The following THSD7A variants were observed in gnomAD, a reference collection of about 807,000 sequenced individuals.
THSD7A encodes thrombospondin type-1 domain-containing protein 7A.
THSD7A carries 96 observed loss-of-function variants against 231.3 expected under a neutral mutation model. The ratio of observed to expected loss-of-function variants is 0.41; its 90% confidence interval spans 0.35 to 0.49. The LOEUF (loss-of-function observed/expected upper bound fraction) is 0.49, where lower values mean the gene tolerates loss of function less well. Ranked by LOEUF, THSD7A falls within the 20% of genes least tolerant of loss-of-function variation. The probability of loss-of-function intolerance (pLI) is 0.05; values close to 1 mark genes in which losing one functional copy is unlikely to be tolerated. For missense variants in THSD7A, 2,290 were observed against 2,070.2 expected, an observed-to-expected ratio of 1.11 and a Z score of -2.06; for synonymous variants, 940 against 743.3, an observed-to-expected ratio of 1.26 and a Z score of -4.30.
chr7:11,811,151 G>A (rs1490822061), intron 1 of THSD7A, among the ~76,000 whole-genome samples: 1 of 152,060 alleles, frequency 6.6e-6, no homozygotes, highest in Non-Finnish European at 1.5e-5. Context: ...TGTGTGTAAT[G>A]TCTCTTTTGT....
At chr7:11,486,167 T>G (rs1345285997) in intron 6 of THSD7A, among the ~76,000 whole-genome samples, 1 of 152,208 alleles carries the variant, frequency 6.6e-6, no homozygotes, top group Non-Finnish European at 1.5e-5. Flanking sequence ...TGAATCTTAC[T>G]TATAAGAACT....
At chr7:11,741,478 C>T (rs1345741611) in intron 1 of THSD7A, among the ~76,000 whole-genome samples, 2 of 151,738 alleles carry the variant, frequency 1.3e-5, no homozygotes, top group Non-Finnish European at 2.9e-5. Flanking sequence ...GCTATATATG[C>T]ACTGAAAAAA....
intron 23 of THSD7A, among the ~76,000 whole-genome samples, chr7:11,391,066 G>A (rs115649203): frequency 0.044 from 6,647 of 152,112 alleles, 503 homozygotes; most frequent in African/African-American, 0.15. Flanking sequence ...GTCAGGAGAC[G>A]TGGGGTCGGG....
intron 1 of THSD7A, among the ~76,000 whole-genome samples, chr7:11,786,455 G>A (rs1019576491): frequency 3.2e-4 from 49 of 152,118 alleles, no homozygotes; most frequent in African/African-American, 1.1e-3. Flanking sequence ...GCCTGGTGGA[G>A]CAGCACTGTC....
In THSD7A at chr7:11,444,657, G is replaced by A. The variant is rs956322596; in HGVS notation, c.3064+1404C>T. On this transcript the variant is annotated intron_variant, in intron 13 of 27. Transcript: ENST00000423059. This position sits in a 1 kb window ranked among gnomAD's most constrained non-coding sequence, Gnocchi z 4.2. ...AGGAGAAATACCTAATGTAGATGAC[G>A]GGTTGATGGGTGCAGCAAACCACCA... 3.3e-5 allele frequency among the ~76,000 whole-genome samples: 5 copies of A among 151,598 alleles called. No homozygotes were observed. The highest frequency in any genetic ancestry group is 7.4e-5 in the Non-Finnish European group (5 of 67,924).
At chr7:11,478,596 G>GAAAAGGAAAAGC (rs577823179) in intron 7 of THSD7A, among the ~76,000 whole-genome samples, 2 of 152,022 alleles carry the variant, frequency 1.3e-5, no homozygotes, top group Non-Finnish European at 2.9e-5. Flanking sequence ...TGAAAGAAAG[G>GAAAAGGAAAAGC]AAAAGGAAAA....
At chr7:11,426,611 G>T in intron 15 of THSD7A, 55 bp downstream of exon 15, 2 of 1,495,284 alleles carry the variant, frequency 1.3e-6, no homozygotes, top group East Asian at 2.4e-5. Flanking sequence ...CAGAAATCAG[G>T]AAATTTAAGA....
intron 6 of THSD7A, among the ~76,000 whole-genome samples, chr7:11,492,375 A>T (rs1290655331): frequency 6.6e-6 from 1 of 152,062 alleles, no homozygotes; most frequent in Non-Finnish European, 1.5e-5. Flanking sequence ...TATACCACAT[A>T]TTCCACAGAC....
At chr7:11,508,117 G>A (rs978562319) in intron 6 of THSD7A, among the ~76,000 whole-genome samples, 10 of 152,058 alleles carry the variant, frequency 6.6e-5, no homozygotes, top group African/African-American at 2.4e-4. Context: ...AACTGAATGG[G>A]GTAAACCACC....
Position 11,580,792 on chromosome 7 carries a change from G to A in THSD7A, c.1453+9668C>T, listed in dbSNP as rs191881154. On this transcript the variant is annotated intron_variant, in intron 4 of 27. Coordinates refer to ENST00000423059, the MANE Select transcript of THSD7A (RefSeq NM_015204.3). ...AAAATAACTAACTAATGGATACTAG[G>A]CTTAATATCTGGGTGATGAAACAAT... 2.6e-5 allele frequency among the ~76,000 whole-genome samples: 4 copies of A among 152,144 alleles called. No homozygotes were observed. In the East Asian group the frequency reaches 5.8e-4, roughly 22 times the overall value.
In THSD7A at chr7:11,460,673, C is replaced by T. The variant is rs1477721012; in HGVS notation, c.2594G>A (p.Arg865Gln). ...ATGGGGCCTCCCACCTCTTGCCTGTCGCCCAGGCCCACAGCCTTCCTGTGC... is the reference window on the plus strand; with the variant it reads ...ATGGGGCCTCCCACCTCTTGCCTGTTGCCCAGGCCCACAGCCTTCCTGTGC... ...PGAQEGCGPG[R>Q]QARAITCRKQ... Residue 865 changes from arginine to glutamine, a missense_variant, in exon 11 of 28, where the codon CGA becomes CAA. By Grantham distance (43) the Arg-to-Gln change is conservative. Transcript: ENST00000423059. 13 of 1,609,166 alleles carry T rather than the reference C, an allele frequency of 8.1e-6. No individual in the cohort carries two copies. Among genetic ancestry groups the T allele is most frequent in the African/African-American group, 2.7e-5 (2 of 74,938 alleles).
chr7:11,569,123 T>C (rs191064553), intron 4 of THSD7A, among the ~76,000 whole-genome samples: 2 of 152,068 alleles, frequency 1.3e-5, no homozygotes, highest in Admixed American at 6.5e-5. Context: ...AGGACATTGG[T>C]CTAGGCAAAG....
intron 6 of THSD7A, among the ~76,000 whole-genome samples, chr7:11,499,983 C>G (rs1220400276): frequency 2.0e-5 from 3 of 152,114 alleles, no homozygotes; most frequent in Non-Finnish European, 4.4e-5. Flanking sequence ...CTGCAAGATT[C>G]TTCACAAGAA....
At chr7:11,602,047 T>A (rs1780570593) in intron 2 of THSD7A, among the ~76,000 whole-genome samples, 1 of 152,196 alleles carries the variant, frequency 6.6e-6, no homozygotes. Context: ...GTTACTGATA[T>A]ATTGTGATCA....
chr7:11,756,738 GGAGAAAAGCAGCCTCCA>G (rs1365303467), intron 1 of THSD7A, among the ~76,000 whole-genome samples: 1 of 151,968 alleles, frequency 6.6e-6, no homozygotes, highest in Non-Finnish European at 1.5e-5. Flanking sequence ...TTTATATACT[GGAGAAAAGCAGCCTCCA>G]GAACTACAGA....
At chr7:11,815,530 A>T (rs973854140) in intron 1 of THSD7A, among the ~76,000 whole-genome samples, 2 of 152,262 alleles carry the variant, frequency 1.3e-5, no homozygotes. Flanking sequence ...AGAGGAAAAA[A>T]TAAAATATTA....
intron 2 of THSD7A, among the ~76,000 whole-genome samples, chr7:11,622,170 A>T (rs1562776467): frequency 6.6e-6 from 1 of 152,148 alleles, no homozygotes; most frequent in South Asian, 2.1e-4. Flanking sequence ...TTAAAGGTAC[A>T]TATACCTAAA....
rs1225130389 is a variant in THSD7A at position 11,637,920 on chromosome 7, A to C, written c.191-959T>G. ...AAATTGAGAATTGTATTATTTTGGA[A>C]TCATAAAGAAACTTAAAGTTCATGT... is the stretch of plus-strand genomic sequence containing the variant. On this transcript the variant is annotated intron_variant, in intron 1 of 27. Transcript: ENST00000423059. This position sits in a 1 kb window ranked among gnomAD's most constrained non-coding sequence, Gnocchi z 4.2. Among the ~76,000 whole-genome samples the C allele has an allele frequency of 6.6e-6, 1 of 152,200 alleles. No homozygotes were observed. The highest frequency in any genetic ancestry group is 1.5e-5 in the Non-Finnish European group (1 of 68,034).
chr7:11,815,099 C>G (rs1784643189), intron 1 of THSD7A, among the ~76,000 whole-genome samples: 1 of 150,702 alleles, frequency 6.6e-6, no homozygotes, highest in South Asian at 2.1e-4. Context: ...AAAAAAGAAT[C>G]TTTTAAAAAT....
Sources: allele counts gnomAD v4.1 joint callset (sites outside exome capture counted in the v4.1 genomes callset), GRCh38; gene constraint gnomAD v4.1.1; non-coding constraint Gnocchi (gnomAD v3.1); transcripts MANE v1.5; gene names NCBI Gene and HGNC (gene_info 2026-07-23, HGNC 2026-07-21).